Variants in NMBR observed in about 807,000 individuals in gnomAD.
The protein encoded by NMBR is neuromedin-B receptor.
Under a neutral mutation model 20.5 loss-of-function variants are expected in NMBR, and 16 were observed. The observed-to-expected ratio is 0.78, with a 90% CI of 0.53 to 1.19. NMBR has a LOEUF of 1.19. Ranked by LOEUF, NMBR falls within the 50% of genes most tolerant of loss-of-function variation. NMBR has a pLI of 0.00. For missense variants in NMBR, 582 were observed against 499.1 expected (o/e 1.17, Z -1.58); for synonymous variants, 212 against 196.6 (o/e 1.08, Z -0.65).
At chr6:142,078,093 G>C (rs902565354) in intron 3 of NMBR, among the ~76,000 whole-genome samples, 2 of 152,052 alleles carry the variant, frequency 1.3e-5, no homozygotes, top group African/African-American at 4.8e-5. Flanking sequence ...CTCTCATTCT[G>C]ACTTCCACCC....
chr6:142,109,520 G>A (rs1006969687), intron 1 of NMBR, among the ~76,000 whole-genome samples: 1 of 136,074 alleles, frequency 7.3e-6, no homozygotes, highest in African/African-American at 2.8e-5. Context: ...CACTCTGTTG[G>A]CCAGGCAGGA....
chr6:142,100,578 G>GT (rs1777541155), intron 1 of NMBR, among the ~76,000 whole-genome samples: 1 of 152,176 alleles, frequency 6.6e-6, no homozygotes, highest in Non-Finnish European at 1.5e-5. Flanking sequence ...GGATCGCAGA[G>GT]GATTTTGCAG....
intron 1 of NMBR, among the ~76,000 whole-genome samples, chr6:142,132,475 T>G (rs1263221985): frequency 2.0e-5 from 3 of 152,182 alleles, no homozygotes; most frequent in African/African-American, 7.2e-5. Context: ...TTCGCTATCT[T>G]TTTCCTTAGC....
At chr6:142,131,319 A>G (rs2114606883) in intron 1 of NMBR, among the ~76,000 whole-genome samples, 1 of 152,288 alleles carries the variant, frequency 6.6e-6, no homozygotes, top group South Asian at 2.1e-4. Flanking sequence ...TTCTTTTCAT[A>G]CACCCACACC....
intron 1 of NMBR, among the ~76,000 whole-genome samples, chr6:142,090,531 ATTAG>A (rs912285983): frequency 7.3e-5 from 11 of 150,108 alleles, no homozygotes; most frequent in African/African-American, 2.2e-4. Context: ...TAAAATTAAG[ATTAG>A]TTAAATAGAA....
At chr6:142,117,445 AG>A (rs973048960) in intron 1 of NMBR, among the ~76,000 whole-genome samples, 2 of 151,960 alleles carry the variant, frequency 1.3e-5, no homozygotes, top group Non-Finnish European at 2.9e-5. Context: ...TTCTTATAAA[AG>A]GGAGCAAAGG....
In NMBR at chr6:142,083,546, G is replaced by T. The variant is rs1777140548; in HGVS notation, c.423-4643C>A. Among the ~76,000 whole-genome samples, 8 of 152,234 alleles carry T rather than the reference G, an allele frequency of 5.3e-5. No individual in the cohort carries two copies. In the South Asian group the frequency reaches 1.7e-3, roughly 32 times the overall value. ...CCCCAACAAAATCTCATGTAGAATT[G>T]TAATCCCCAGTGGTTGAGAGAGGGA... On this transcript the variant is annotated intron_variant, in intron 2 of 3. Coordinates refer to ENST00000258042, the MANE Select transcript of NMBR (RefSeq NM_002511.4).
chr6:142,082,843 C>T (rs1174084089), intron 2 of NMBR, among the ~76,000 whole-genome samples: 11 of 152,194 alleles, frequency 7.2e-5, no homozygotes, highest in Non-Finnish European at 1.5e-4. Flanking sequence ...GAAAGCACCA[C>T]CTTATGGCCA....
At chr6:142,129,852 G>A (rs1164914473) in intron 1 of NMBR, among the ~76,000 whole-genome samples, 1 of 152,070 alleles carries the variant, frequency 6.6e-6, no homozygotes, top group African/African-American at 2.4e-5. Context: ...AGGTAAATAC[G>A]ATTTTCATTG....
intron 1 of NMBR, among the ~76,000 whole-genome samples, chr6:142,132,351 TCAACACCCATAA>T (rs1778158582): frequency 6.6e-6 from 1 of 152,202 alleles, no homozygotes; most frequent in Non-Finnish European, 1.5e-5. Flanking sequence ...CTGCTGGTCC[TCAACACCCATAA>T]CAATGTCTTA....
intron 1 of NMBR, among the ~76,000 whole-genome samples, chr6:142,129,890 C>T (rs1214967832): frequency 3.9e-5 from 6 of 152,082 alleles, no homozygotes; most frequent in South Asian, 2.1e-4. Context: ...GATTCAAGGA[C>T]GTGAAATAAT....
At chr6:142,077,242 T>A (rs1384030691) in intron 3 of NMBR, among the ~76,000 whole-genome samples, 1 of 152,200 alleles carries the variant, frequency 6.6e-6, no homozygotes, top group Non-Finnish European at 1.5e-5. Context: ...CAAGACCCAG[T>A]TGCCCTGCCA....
intron 1 of NMBR, among the ~76,000 whole-genome samples, chr6:142,111,379 A>C (rs537700679): frequency 5.9e-5 from 9 of 152,304 alleles, no homozygotes; most frequent in African/African-American, 2.2e-4. Context: ...TGAGTACAAC[A>C]ATCATAATTT....
At chr6:142,100,226 T>C (rs1051150981) in intron 1 of NMBR, among the ~76,000 whole-genome samples, 4 of 152,268 alleles carry the variant, frequency 2.6e-5, no homozygotes, top group East Asian at 3.9e-4. Context: ...CCCAAAATAT[T>C]TGAAAACATA....
intron 1 of NMBR, among the ~76,000 whole-genome samples, chr6:142,142,906 A>C (rs1166927317): frequency 6.6e-6 from 1 of 151,908 alleles, no homozygotes; most frequent in Non-Finnish European, 1.5e-5. Flanking sequence ...GCAATATAGC[A>C]AGACTCCACC....
intron 1 of NMBR, among the ~76,000 whole-genome samples, chr6:142,090,135 A>G (rs192700925): frequency 2.0e-5 from 3 of 152,222 alleles, no homozygotes; most frequent in Admixed American, 2.0e-4. Context: ...AGTTTCCCAA[A>G]TCACCACCAT....
chr6:142,090,594 A>G (rs532565178), intron 1 of NMBR, among the ~76,000 whole-genome samples: 4 of 149,802 alleles, frequency 2.7e-5, no homozygotes, highest in South Asian at 4.2e-4. Context: ...ATTTATATTT[A>G]TAAAAATTAT....
At chr6:142,135,895 T>C (rs1449118567) in intron 1 of NMBR, among the ~76,000 whole-genome samples, 2 of 151,862 alleles carry the variant, frequency 1.3e-5, no homozygotes, top group African/African-American at 4.8e-5. Context: ...CAGTCTATCA[T>C]TGTTGGACAT....
intron 1 of NMBR, among the ~76,000 whole-genome samples, chr6:142,104,835 G>A (rs1016117969): frequency 6.6e-6 from 1 of 152,248 alleles, no homozygotes; most frequent in Non-Finnish European, 1.5e-5. Flanking sequence ...CAGGCTTTGT[G>A]TGAGTAATAA....
Sources: gnomAD v4.1 joint callset for allele counts (sites outside exome capture counted in the v4.1 genomes callset) on GRCh38, gnomAD v4.1.1 for gene constraint, MANE v1.5 for transcripts, NCBI Gene and HGNC (gene_info 2026-07-23, HGNC 2026-07-21) for gene names.